The following STARD9 variants were observed in gnomAD, a reference collection of about 807,000 sequenced individuals.
The protein encoded by STARD9 is StAR related lipid transfer domain containing 9.
STARD9 carries 346 observed loss-of-function variants against 399.8 expected under a neutral mutation model. The observed-to-expected ratio is 0.87, with a 90% confidence interval of 0.79 to 0.95. The LOEUF is 0.95. Among genes scored for constraint, STARD9 ranks in the 40% least tolerant of loss-of-function variants. The probability of loss-of-function intolerance (pLI) is 0.00; values close to 1 mark genes in which losing one functional copy is unlikely to be tolerated. For missense variants in STARD9, 5,832 were observed against 5,667.5 expected, an observed-to-expected ratio of 1.03 and a Z score of -0.93; for synonymous variants, 2,203 against 2,143.5, an observed-to-expected ratio of 1.03 and a Z score of -0.77.
At chr15:42,658,050 G>C (rs927148200) in intron 9 of STARD9, among the ~76,000 whole-genome samples, 1 of 152,212 alleles carries the variant, frequency 6.6e-6, no homozygotes, top group Admixed American at 6.5e-5. Flanking sequence ...TGTGATTCTT[G>C]ATTAGGCGAA....
intron 7 of STARD9, among the ~76,000 whole-genome samples, chr15:42,644,981 T>C (rs1014210600): frequency 2.0e-5 from 3 of 152,172 alleles, no homozygotes; most frequent in Non-Finnish European, 4.4e-5. Context: ...ATTGTGGCAA[T>C]TCAGTCACAT....
chr15:42,660,394 G>C (rs1356611011), intron 9 of STARD9, among the ~76,000 whole-genome samples: 2 of 151,932 alleles, frequency 1.3e-5, no homozygotes, highest in Non-Finnish European at 2.9e-5. Flanking sequence ...GTGAAACCCT[G>C]TCTCTGCTAA....
In STARD9 at chr15:42,692,040, T is replaced by C; in HGVS notation, c.10462T>C (p.Ser3488Pro). The change falls in exon 23 of 33, where the codon TCT becomes CCT. Residue 3488 changes from serine (S) to proline (P), a missense_variant. This residue lies in a region of STARD9 where 5,828 missense variants were observed against 5,651.1 expected (regional missense o/e 1.03). Coordinates refer to ENST00000290607, the MANE Select transcript of STARD9 (RefSeq NM_020759.3). ...PARISWKQYM[S>P]GSAVDVSCSQ... ...ACGTATCAGCTGGAAGCAGTATATG[T>C]CTGGCAGTGCAGTCGATGTTTCCTG... 6.5e-7 allele frequency: 1 copy of C among 1,537,256 alleles called. No homozygotes were observed.
chr15:42,600,821 GC>G (rs1340681130), intron 3 of STARD9, among the ~76,000 whole-genome samples: 9 of 151,334 alleles, frequency 5.9e-5, no homozygotes, highest in Admixed American at 5.3e-4. Flanking sequence ...CACAGTGCCA[GC>G]CTGCTTCGTT....
intron 3 of STARD9, among the ~76,000 whole-genome samples, chr15:42,586,406 C>T (rs537780604): frequency 6.6e-6 from 1 of 152,332 alleles, no homozygotes; most frequent in Non-Finnish European, 1.5e-5. Flanking sequence ...TTCTGCTTAG[C>T]TCTCGGTCAA....
At chr15:42,588,705 G>A (rs2058330565) in intron 3 of STARD9, among the ~76,000 whole-genome samples, 3 of 147,612 alleles carry the variant, frequency 2.0e-5, no homozygotes, top group African/African-American at 2.5e-5. Flanking sequence ...TAAGAAAGGT[G>A]GAATCTATAC....
chr15:42,634,836 C>T lies in STARD9; in HGVS notation c.235-20C>T. On this transcript the variant is annotated intron_variant, in intron 3 of 32. Transcript: ENST00000290607. ...AGAAGAAGGACCACAGTGATATTTC[C>T]TCTGCTTTTGTTGTTACAGGTTTTC... The T allele has an allele frequency of 3.0e-6, 4 of 1,315,744 alleles. No homozygotes were observed. The highest frequency in any genetic ancestry group is 4.2e-6 in the Non-Finnish European group (4 of 953,748). The allele number at this position is 1,315,744 out of a possible 1,614,324, so 81.5% of individuals were successfully genotyped here.
intron 3 of STARD9, among the ~76,000 whole-genome samples, chr15:42,627,072 A>G (rs2059241631): frequency 6.6e-6 from 1 of 152,012 alleles, no homozygotes; most frequent in Non-Finnish European, 1.5e-5. Context: ...AGGTGGGTGG[A>G]TCGCTTTGAG....
chr15:42,612,990 G>GAAA (rs60332578), intron 3 of STARD9, among the ~76,000 whole-genome samples: 20 of 119,264 alleles, frequency 1.7e-4, no homozygotes, highest in Non-Finnish European at 2.2e-4. Context: ...TCTCAGAGGG[G>GAAA]AAAAAAAAAA....
intron 3 of STARD9, among the ~76,000 whole-genome samples, chr15:42,607,558 A>C (rs2058757368): frequency 6.6e-6 from 1 of 151,306 alleles, no homozygotes; most frequent in African/African-American, 2.4e-5. Flanking sequence ...TACCCTAGGA[A>C]TTCCAGTTTC....
chr15:42,665,993 C>T (rs2060093701), intron 15 of STARD9, 145 bp downstream of exon 15: 1 of 709,942 alleles, frequency 1.4e-6, no homozygotes, highest in African/African-American at 1.8e-5. Flanking sequence ...TAAGCCTTGA[C>T]CGGGGGATGT....
intron 9 of STARD9, among the ~76,000 whole-genome samples, chr15:42,655,349 A>G (rs770664151): frequency 5.3e-5 from 8 of 152,234 alleles, no homozygotes; most frequent in Non-Finnish European, 1.0e-4. Context: ...TATAAGGCCA[A>G]TAGTTACCAA....
intron 1 of STARD9, among the ~76,000 whole-genome samples, chr15:42,583,049 T>TAC (rs1343560309): frequency 6.6e-6 from 1 of 152,218 alleles, no homozygotes; most frequent in Admixed American, 6.5e-5. Context: ...GTCAGGAGGA[T>TAC]ACGTAGGAGG....
chr15:42,581,149 A>G, intron 1 of STARD9: 4 of 748,346 alleles, frequency 5.3e-6, no homozygotes, highest in Non-Finnish European at 1.0e-5. Context: ...CCAACTGAGC[A>G]TCACCCCCCA....
intron 7 of STARD9, among the ~76,000 whole-genome samples, chr15:42,644,507 GTACA>G (rs981333148): frequency 3.3e-5 from 5 of 151,614 alleles, no homozygotes; most frequent in Non-Finnish European, 7.4e-5. Context: ...AAAAAAAAAT[GTACA>G]TACATTAATT....
rs1223322660 is a variant in STARD9, at chr15:42,691,230, C to G, written c.9652C>G (p.Gln3218Glu). Residue 3218 changes from glutamine to glutamate, a missense_variant, in exon 23 of 33, where the codon CAG becomes GAG. Around this residue, in one of 2 missense-constraint regions of STARD9, gnomAD observed 5,828 missense variants for 5,651.1 expected, o/e 1.03. Transcript: ENST00000290607. Reference sequence around the variant, plus strand: ...GCAGGAAGAAGAGCAGCACAGAGACCAGGCTTCAGGTGGTGGAGAAGGCTT... The same window carrying G: ...GCAGGAAGAAGAGCAGCACAGAGACGAGGCTTCAGGTGGTGGAGAAGGCTT... The part of the protein sequence containing the change: ...PWQEEEQHRD[Q>E]ASGGGEGFAQ... 1 of 1,537,216 alleles carries G rather than the reference C, an allele frequency of 6.5e-7. No individual in the cohort carries two copies. Among genetic ancestry groups the G allele is most frequent in the Non-Finnish European group, 8.7e-7 (1 of 1,146,896 alleles).
At chr15:42,603,285 C>G (rs1401632529) in intron 3 of STARD9, among the ~76,000 whole-genome samples, 1 of 152,124 alleles carries the variant, frequency 6.6e-6, no homozygotes, top group African/African-American at 2.4e-5. Flanking sequence ...CCACACCTGA[C>G]TAATTTTTGT....
At chr15:42,638,558 G>A (rs1282648328) in intron 6 of STARD9, 142 bp from the exon 7 acceptor site, 2 of 566,714 alleles carry the variant, frequency 3.5e-6, no homozygotes, top group Non-Finnish European at 6.2e-6. Context: ...AGAGAATCAA[G>A]GGGGAACCTT....
intron 4 of STARD9, among the ~76,000 whole-genome samples, chr15:42,635,831 G>C (rs929289308): frequency 5.3e-5 from 8 of 152,174 alleles, no homozygotes; most frequent in African/African-American, 1.9e-4. Flanking sequence ...TTGTGGCCAA[G>C]CTCCAAGCCT....
Sources: allele counts gnomAD v4.1 joint callset (sites outside exome capture counted in the v4.1 genomes callset), GRCh38; gene constraint gnomAD v4.1.1; regional missense constraint gnomAD v4.1.1; transcripts MANE v1.5; gene names NCBI Gene and HGNC (gene_info 2026-07-23, HGNC 2026-07-21).